STIM2: variants seen among roughly 807,000 people sequenced by gnomAD.
STIM2 encodes stromal interaction molecule 2.
STIM2 carries 31 observed loss-of-function variants against 85.8 expected under a neutral mutation model. The observed-to-expected ratio is 0.36, with a 90% CI of 0.27 to 0.49. The LOEUF is 0.49. Among genes scored for constraint, STIM2 ranks in the 20% least tolerant of loss-of-function variants. The pLI is 0.98. For synonymous variants in STIM2, 356 were observed against 331.1 expected, an observed-to-expected ratio of 1.08 and a Z score of -0.82; for missense variants, 841 against 927.6, an observed-to-expected ratio of 0.91 and a Z score of 1.21.
chr4:26,894,134 G>A (rs139329421), intron 1 of STIM2, among the ~76,000 whole-genome samples: 9 of 152,178 alleles, frequency 5.9e-5, no homozygotes, highest in African/African-American at 1.9e-4. Flanking sequence ...TGATCCACCC[G>A]CCTCGGCCTC....
Position 26,880,682 on chromosome 4 carries a change from A to AATAT in STIM2, c.151+19322_151+19325dup, listed in dbSNP as rs564864110. Among the ~76,000 whole-genome samples, 596 of 142,492 alleles carry AATAT rather than the reference A, an allele frequency of 4.2e-3. 7 individuals carry two copies. Among genetic ancestry groups the AATAT allele is most frequent in the African/African-American group, 0.015 (575 of 38,576 alleles). The allele number at this position is 142,492 out of a possible 152,430, so 93.5% of individuals were successfully genotyped here. On this transcript the variant is annotated intron_variant, in intron 1 of 11. Coordinates refer to ENST00000467087, the MANE Select transcript of STIM2 (RefSeq NM_020860.4). ...AAATATATATGTAAATATATATGTAAATATATATATATGTATATATATATC... is the reference window on the plus strand; with the variant it reads ...AAATATATATGTAAATATATATGTAAATATATATATATATATGTATATATATATC...
At chr4:26,874,136 G>T in intron 1 of STIM2, 1 of 525,122 alleles carries the variant, frequency 1.9e-6, no homozygotes, top group Non-Finnish European at 3.7e-6. Context: ...GGGTTTCCAA[G>T]TGTTTGCAGG....
chr4:26,982,742 G>C (rs1727446232), intron 3 of STIM2, among the ~76,000 whole-genome samples: 1 of 152,126 alleles, frequency 6.6e-6, no homozygotes, highest in Admixed American at 6.5e-5. Flanking sequence ...GACCTCAGTG[G>C]ACAGAGTTAA....
chr4:26,949,034 A>G (rs949617857), intron 2 of STIM2, among the ~76,000 whole-genome samples: 5 of 152,152 alleles, frequency 3.3e-5, no homozygotes, highest in East Asian at 1.9e-4. Context: ...TCTTTGTAGA[A>G]TATTATTTTT....
intron 10 of STIM2, among the ~76,000 whole-genome samples, chr4:27,017,396 G>T (rs771432632): frequency 6.6e-6 from 1 of 152,102 alleles, no homozygotes; most frequent in South Asian, 2.1e-4. Flanking sequence ...TACAATACAG[G>T]TTTTTAAATT....
chr4:26,987,506 A>G (rs1727622302), intron 3 of STIM2, among the ~76,000 whole-genome samples: 1 of 152,030 alleles, frequency 6.6e-6, no homozygotes, highest in Non-Finnish European at 1.5e-5. Flanking sequence ...ATACTCTCTC[A>G]TCTCCTGGAA....
chr4:26,886,728 T>C (rs1723263837), intron 1 of STIM2, among the ~76,000 whole-genome samples: 1 of 152,182 alleles, frequency 6.6e-6, no homozygotes, highest in Admixed American at 6.5e-5. Context: ...ATCTACAAGA[T>C]GTGAGGACAT....
rs748451350 is a variant in STIM2 at position 27,018,012 on chromosome 4, A to G, written c.1763+28A>G. The G allele has an allele frequency of 1.9e-5, 30 of 1,544,566 alleles. No homozygotes were observed. In the Admixed American group the frequency reaches 5.0e-4, roughly 26 times the overall value. ...ATTGGCAGTGAATAATCTACAGGGC[A>G]TGTTGGGGCTGGGTTGGGGGTAAGG... is the stretch of plus-strand genomic sequence containing the variant. On this transcript the variant is annotated intron_variant, in intron 11 of 11. Coordinates refer to ENST00000467087, the MANE Select transcript of STIM2 (RefSeq NM_020860.4).
At chr4:26,946,295 A>C (rs1725829241) in intron 2 of STIM2, among the ~76,000 whole-genome samples, 1 of 152,256 alleles carries the variant, frequency 6.6e-6, no homozygotes, top group Non-Finnish European at 1.5e-5. Flanking sequence ...ATATATTAAA[A>C]AATTGACAAA....
At chr4:27,011,642 C>T (rs181949789) in intron 10 of STIM2, among the ~76,000 whole-genome samples, 2 of 152,304 alleles carry the variant, frequency 1.3e-5, no homozygotes, top group African/African-American at 4.8e-5. Flanking sequence ...ACTTGTTTTG[C>T]AACTCGAATG....
chr4:26,864,293 A>G (rs1232460859), intron 1 of STIM2, among the ~76,000 whole-genome samples: 1 of 152,140 alleles, frequency 6.6e-6, no homozygotes, highest in Non-Finnish European at 1.5e-5. Context: ...AAAGTGATTG[A>G]AATTTAAAGC....
chr4:26,948,665 C>T (rs1334096636), intron 2 of STIM2, among the ~76,000 whole-genome samples: 1 of 152,166 alleles, frequency 6.6e-6, no homozygotes, highest in Non-Finnish European at 1.5e-5. Context: ...GAATGTTTTC[C>T]ACTAAAATTG....
chr4:26,904,338 A>T (rs1360631451), intron 1 of STIM2, among the ~76,000 whole-genome samples: 1 of 152,130 alleles, frequency 6.6e-6, no homozygotes, highest in Non-Finnish European at 1.5e-5. Context: ...CAATATATGT[A>T]TATACTCATG....
chr4:27,000,430 T>A (rs1484238894), intron 5 of STIM2, among the ~76,000 whole-genome samples: 1 of 152,218 alleles, frequency 6.6e-6, no homozygotes, highest in Non-Finnish European at 1.5e-5. Context: ...TTCCTTGTCC[T>A]CACTTCCAGA....
intron 1 of STIM2, among the ~76,000 whole-genome samples, chr4:26,902,130 T>G (rs556527033): frequency 1.3e-5 from 2 of 152,068 alleles, no homozygotes; most frequent in Admixed American, 6.6e-5. Context: ...TGAAGAGATA[T>G]GGTAGCTGTA....
intron 2 of STIM2, among the ~76,000 whole-genome samples, chr4:26,938,310 G>A (rs375575624): frequency 2.6e-5 from 4 of 151,660 alleles, no homozygotes; most frequent in East Asian, 3.9e-4. Flanking sequence ...GATTATTATC[G>A]CAGTCTTATC....
At chr4:26,929,717 A>G (rs988945861) in intron 2 of STIM2, among the ~76,000 whole-genome samples, 4 of 152,144 alleles carry the variant, frequency 2.6e-5, no homozygotes, top group Admixed American at 1.3e-4. Flanking sequence ...TTGAGCTAAT[A>G]TCTGATGGCC....
At chr4:26,997,249 A>G (rs1435166481) in intron 4 of STIM2, among the ~76,000 whole-genome samples, 2 of 152,186 alleles carry the variant, frequency 1.3e-5, no homozygotes, top group Non-Finnish European at 2.9e-5. Context: ...TGTATAAGAA[A>G]ATGTATTACA....
chr4:26,888,718 A>G (rs1299598935), intron 1 of STIM2, among the ~76,000 whole-genome samples: 2 of 152,158 alleles, frequency 1.3e-5, no homozygotes, highest in Non-Finnish European at 2.9e-5. Flanking sequence ...AAATTGGGTT[A>G]TTGTAGTTTT....
Sources: allele counts gnomAD v4.1 joint callset (sites outside exome capture counted in the v4.1 genomes callset), GRCh38; gene constraint gnomAD v4.1.1; transcripts MANE v1.5; gene names NCBI Gene and HGNC (gene_info 2026-07-23, HGNC 2026-07-21).